The following CCDC88A variants were observed in gnomAD, a reference collection of about 807,000 sequenced individuals.
CCDC88A encodes the protein girdin.
A neutral mutation model predicts 234.3 loss-of-function variants in CCDC88A; 54 were observed. The ratio of observed to expected loss-of-function variants is 0.23; its 90% confidence interval spans 0.19 to 0.29. The LOEUF is 0.29. Ranked by LOEUF, CCDC88A falls within the 10% of genes least tolerant of loss-of-function variation. The probability of loss-of-function intolerance (pLI) is 1.00; values close to 1 mark genes in which losing one functional copy is unlikely to be tolerated. For synonymous variants in CCDC88A, 753 were observed against 737.8 expected (o/e 1.02, Z -0.33); for missense variants, 1,832 against 2,123.4 (o/e 0.86, Z 2.70).
intron 18 of CCDC88A, among the ~76,000 whole-genome samples, chr2:55,319,238 T>C (rs1489042405): frequency 3.9e-5 from 6 of 152,166 alleles, no homozygotes; most frequent in Non-Finnish European, 8.8e-5. Context: ...TGCCTGTGTC[T>C]TGTCTGCATT....
At chr2:55,301,445 GAC>G (rs1680892148) in intron 27 of CCDC88A, 168 bp from the exon 28 acceptor site, 1 of 525,226 alleles carries the variant, frequency 1.9e-6, no homozygotes, top group Non-Finnish European at 3.3e-6. Flanking sequence ...TAAGAAAAAT[GAC>G]AACTCTCATT....
intron 2 of CCDC88A, among the ~76,000 whole-genome samples, chr2:55,403,007 T>TAA (rs796738828): frequency 1.4e-5 from 2 of 142,868 alleles, no homozygotes; most frequent in Admixed American, 7.0e-5. Flanking sequence ...AGACTCCGTC[T>TAA]AAAAAAAAAA....
intron 8 of CCDC88A, among the ~76,000 whole-genome samples, chr2:55,351,582 G>A (rs974507927): frequency 6.6e-6 from 1 of 152,132 alleles, no homozygotes; most frequent in Non-Finnish European, 1.5e-5. Context: ...CTGAGCTCAA[G>A]CAATCCTCTT....
At chr2:55,297,573 G>C (rs1680348040) in intron 29 of CCDC88A, among the ~76,000 whole-genome samples, 1 of 149,006 alleles carries the variant, frequency 6.7e-6, no homozygotes. Flanking sequence ...CCCATGCCAG[G>C]CTAATTTTTG....
At chr2:55,352,145 T>A (rs917536542) in intron 8 of CCDC88A, among the ~76,000 whole-genome samples, 1 of 151,806 alleles carries the variant, frequency 6.6e-6, no homozygotes, top group African/African-American at 2.4e-5. Context: ...ATGAAATTGG[T>A]GTGTGGGCTG....
chr2:55,313,799 A>G (rs1003268240), intron 22 of CCDC88A: 1 of 152,226 alleles, frequency 6.6e-6, no homozygotes, highest in Non-Finnish European at 1.5e-5. Flanking sequence ...AGGGAGAATT[A>G]TACTATAATC....
At chr2:55,306,309 C>T (rs1681561502) in intron 25 of CCDC88A, 1 of 152,030 alleles carries the variant, frequency 6.6e-6, no homozygotes, top group Non-Finnish European at 1.5e-5. Flanking sequence ...ACTTGATGAC[C>T]TGTCTAAAAC....
intron 3 of CCDC88A, among the ~76,000 whole-genome samples, chr2:55,387,266 C>A (rs1461427311): frequency 2.7e-5 from 4 of 145,856 alleles, no homozygotes; most frequent in Non-Finnish European, 4.5e-5. Context: ...AAGAAAAAAA[C>A]CCGAAAATAC....
At chr2:55,295,156 T>G in intron 31 of CCDC88A, 1 of 1,307,446 alleles carries the variant, frequency 7.6e-7, no homozygotes, top group South Asian at 1.2e-5. Context: ...CATGCAGAAG[T>G]GACAAGATTG....
At chr2:55,349,716 T>A in intron 8 of CCDC88A, 117 bp from the exon 9 acceptor site, 2 of 619,264 alleles carry the variant, frequency 3.2e-6, no homozygotes, top group South Asian at 2.3e-5. Context: ...GTATTAGCCA[T>A]AACCCTAATC....
At position 55,291,667 on chromosome 2, in the gene CCDC88A, G is replaced by GA; in HGVS notation, c.*35+8dup. The GA allele has an allele frequency of 7.9e-7, 1 of 1,264,720 alleles. No homozygotes were observed. The highest frequency in any genetic ancestry group is 1.1e-6 in the Non-Finnish European group (1 of 883,484). 78.3% of individuals were successfully genotyped at this position (1,264,720 alleles called of 1,614,324 possible). On this transcript the variant is annotated intron_variant, in intron 32 of 32. Coordinates refer to ENST00000436346, the MANE Select transcript of CCDC88A (RefSeq NM_001365480.1). Reference sequence around the variant, plus strand: ...CTAATCTCATTTACATTTTAAGCAGGAAACTCACCACTTGGCCCACATGTC... The same window carrying GA: ...CTAATCTCATTTACATTTTAAGCAGGAAAACTCACCACTTGGCCCACATGTC...
intron 12 of CCDC88A, chr2:55,339,851 A>G (rs1282315641): frequency 2.3e-6 from 1 of 438,770 alleles, no homozygotes; most frequent in Non-Finnish European, 3.9e-6. Context: ...TTTTTTAAAG[A>G]GACGGGGTCT....
At chr2:55,389,426 T>C (rs910172540) in intron 2 of CCDC88A, among the ~76,000 whole-genome samples, 3 of 151,926 alleles carry the variant, frequency 2.0e-5, no homozygotes, top group Non-Finnish European at 4.4e-5. Context: ...AGAAGAAAAA[T>C]AGTCAAGTCA....
At chr2:55,375,649 T>A (rs1673555697) in intron 3 of CCDC88A, among the ~76,000 whole-genome samples, 1 of 151,466 alleles carries the variant, frequency 6.6e-6, no homozygotes, top group Middle Eastern at 3.4e-3. Flanking sequence ...CGCCTCAGCC[T>A]CCCAGGTAAC....
chr2:55,336,475 A>T (rs1685476168), intron 14 of CCDC88A, among the ~76,000 whole-genome samples: 1 of 152,158 alleles, frequency 6.6e-6, no homozygotes, highest in South Asian at 2.1e-4. Flanking sequence ...GCACAATGGT[A>T]GTTTAAAAAA....
At chr2:55,404,087 G>C (rs962327936) in intron 2 of CCDC88A, 8 of 152,122 alleles carry the variant, frequency 5.3e-5, no homozygotes, top group African/African-American at 1.9e-4. Flanking sequence ...GTATAGTAAG[G>C]CTTCTTAATC....
intron 16 of CCDC88A, chr2:55,329,823 A>C (rs951383559): frequency 6.6e-6 from 1 of 152,336 alleles, no homozygotes; most frequent in South Asian, 2.1e-4. Flanking sequence ...GCAGTGGCGC[A>C]ATCTCAGCTC....
intron 3 of CCDC88A, among the ~76,000 whole-genome samples, chr2:55,384,513 T>A (rs1430621771): frequency 2.4e-5 from 1 of 40,962 alleles, no homozygotes; most frequent in South Asian, 5.8e-4. Flanking sequence ...GAATATTATA[T>A]ATAAATTATA....
At chr2:55,387,779 C>CAA (rs66479611) in intron 3 of CCDC88A, among the ~76,000 whole-genome samples, 40 of 64,764 alleles carry the variant, frequency 6.2e-4, no homozygotes, top group African/African-American at 1.4e-3. Flanking sequence ...GGCTCCATCT[C>CAA]AAAAAAAAAA....
Sources: gnomAD v4.1 joint callset for allele counts (sites outside exome capture counted in the v4.1 genomes callset) on GRCh38, gnomAD v4.1.1 for gene constraint, MANE v1.5 for transcripts, NCBI Gene and HGNC (gene_info 2026-07-23, HGNC 2026-07-21) for gene names.